LRRC70: variants seen among roughly 807,000 people sequenced by gnomAD.
The protein encoded by LRRC70 is leucine rich repeat containing 70, also known as leucine-rich repeat-containing protein 70.
Under a neutral mutation model 42.4 loss-of-function variants are expected in LRRC70, and 31 were observed. That is an observed-to-expected ratio of 0.73 (90% CI 0.55 to 0.99). The LOEUF (loss-of-function observed/expected upper bound fraction) is 0.99, where lower values mean the gene tolerates loss of function less well. Among genes scored for constraint, LRRC70 ranks in the 50% least tolerant of loss-of-function variants. The probability of loss-of-function intolerance (pLI) is 0.00; values close to 1 mark genes in which losing one functional copy is unlikely to be tolerated. For synonymous variants in LRRC70, 270 were observed against 262.9 expected (o/e 1.03, Z -0.26); for missense variants, 643 against 707.5 (o/e 0.91, Z 1.03).
intron 1 of LRRC70, 33 bp from the exon 2 acceptor site, chr5:62,579,368 C>T (rs956175483): frequency 9.3e-6 from 13 of 1,390,782 alleles, no homozygotes; most frequent in Admixed American, 8.0e-5. Context: ...ATGAAGTTTT[C>T]GTGATTTAAA....
In LRRC70 at chr5:62,579,926, T is replaced by A. The variant is rs1744480919; in HGVS notation, c.488T>A (p.Leu163Gln). Residue 163 changes from leucine (L) to glutamine (Q), a missense_variant, in exon 2 of 2, where the codon CTA (leucine) becomes CAA (glutamine). By Grantham distance (113) the Leu-to-Gln change is moderately radical. Coordinates refer to ENST00000334994, the MANE Select transcript of LRRC70 (RefSeq NM_181506.5). Reference sequence around the variant, plus strand: ...CTAGTTTCAGTTCAGTACTTAAATCTACAAAGGAATCGCCTCACTGTCCTT... The same window carrying A: ...CTAGTTTCAGTTCAGTACTTAAATCAACAAAGGAATCGCCTCACTGTCCTT... Reference protein sequence around the residue: ...NDLVSVQYLNLQRNRLTVLGS... With the variant: ...NDLVSVQYLNQQRNRLTVLGS... 1 of 1,551,216 alleles carries A rather than the reference T, an allele frequency of 6.4e-7. No individual in the cohort carries two copies. The highest frequency in any genetic ancestry group is 8.7e-7 in the Non-Finnish European group (1 of 1,146,754).
chr5:62,580,559 T>C lies in LRRC70; in HGVS notation c.1121T>C (p.Leu374Pro). The C allele has an allele frequency of 6.4e-7, 1 of 1,551,476 alleles. No individual in the cohort carries two copies. Among genetic ancestry groups the C allele is most frequent in the Non-Finnish European group, 8.7e-7 (1 of 1,146,828 alleles). ...NCKLLGLRDWLASSAITLNIY... is the reference protein window; with the variant it reads ...NCKLLGLRDWPASSAITLNIY... ...AAACTTTTGGGCCTTCGAGACTGGC[T>C]AGCATCTTCAGCCATTACTCTAAAC... Residue 374 changes from leucine (L) to proline (P), a missense_variant, in exon 2 of 2, where the codon CTA becomes CCA. Transcript: ENST00000334994.
rs972604891 is a variant in LRRC70, at chr5:62,579,472, C to T, written c.34C>T (p.Arg12Ter). The change falls in exon 2 of 2, where the codon CGA (arginine) becomes TGA (stop). Residue 12 changes from arginine to a stop codon, truncating the protein, a stop_gained. Coordinates refer to ENST00000334994, the MANE Select transcript of LRRC70 (RefSeq NM_181506.5). LOFTEE classifies it high-confidence loss of function. ...ATTACAGTTTTCTCTGCCTTGCCTA[C>T]GACTGTTTCTGGTTGTTACCTGTTA... ...CGLQFSLPCL[R>*]LFLVVTCYLL... is the part of the protein sequence containing the mutation. 3.0e-5 allele frequency: 47 copies of T among 1,550,644 alleles called. No individual in the cohort carries two copies. The highest frequency in any genetic ancestry group is 4.8e-5 in the South Asian group (4 of 84,010).
chr5:62,581,241 A>G lies in LRRC70; in HGVS notation c.1803A>G (p.Arg601=), dbSNP rs1744548545. 2 of 1,539,564 alleles carry G rather than the reference A, an allele frequency of 1.3e-6. No homozygotes were observed. The highest frequency in any genetic ancestry group is 2.8e-5 in the African/African-American group (2 of 72,202). ...AAAGTCCTGGCTTGGAGCAGATTCGACTTCATAAACAAATTGTTCCTGAAA... is the reference window on the plus strand; with the variant it reads ...AAAGTCCTGGCTTGGAGCAGATTCGGCTTCATAAACAAATTGTTCCTGAAA... ...SLESPGLEQI[R]LHKQIVPENE... Residue 601 remains arginine (R), a synonymous_variant, in exon 2 of 2, where the codon CGA becomes CGG. Coordinates refer to ENST00000334994, the MANE Select transcript of LRRC70 (RefSeq NM_181506.5).
rs1326010115 is a variant in LRRC70 at position 62,581,053 on chromosome 5, T to G, written c.1615T>G (p.Cys539Gly). Residue 539 changes from cysteine to glycine, a missense_variant, in exon 2 of 2, where the codon TGT (cysteine) becomes GGT (glycine). Transcript: ENST00000334994. ...DILLAFFILA[C>G]VLIIFLIYKV... is the part of the protein sequence containing the mutation. ...TTTGCTAGCTTTTTTCATCTTAGCT[T>G]GTGTTTTAATCATTTTTTTGATCTA... 4 of 1,550,452 alleles carry G rather than the reference T, an allele frequency of 2.6e-6. 1 individual carries two copies. The South Asian group carries it at 4.8e-5, about 19-fold the overall frequency.
At position 62,580,761 on chromosome 5, in the gene LRRC70, C is replaced by T. The variant is rs2112404972; in HGVS notation, c.1323C>T (p.Gly441=). Residue 441 remains glycine (G), a synonymous_variant, in exon 2 of 2, where the codon GGC becomes GGT. Transcript: ENST00000334994. ...CCTGGCATAAAGTAACCACAAATGG[C>T]AGTCCTCTGGAAAATACTGAGACTG... is the stretch of plus-strand genomic sequence containing the variant. ...MMAWHKVTTN[G]SPLENTETEN... 5 of 1,551,468 alleles carry T rather than the reference C, an allele frequency of 3.2e-6. No individual in the cohort carries two copies. Among genetic ancestry groups the T allele is most frequent in the South Asian group, 1.2e-5 (1 of 84,060 alleles).
chr5:62,580,915 A>T lies in LRRC70; in HGVS notation c.1477A>T (p.Thr493Ser), dbSNP rs1744530479. The T allele has an allele frequency of 5.8e-6, 9 of 1,551,350 alleles. No individual in the cohort carries two copies. The highest frequency in any genetic ancestry group is 7.8e-6 in the Non-Finnish European group (9 of 1,146,830). ...PVQIQLTTSV[T>S]LNLEKNSALP... ...GCAAATACAACTTACTACTTCTGTT[A>T]CCTTGAACTTGGAAAAAAACAGTGC... Residue 493 changes from threonine (T) to serine (S), a missense_variant, in exon 2 of 2, where the codon ACC becomes TCC. Physicochemically the swap from Thr to Ser is moderately conservative, Grantham distance 58. Coordinates refer to ENST00000334994, the MANE Select transcript of LRRC70 (RefSeq NM_181506.5).
In LRRC70 at chr5:62,581,342, C is replaced by T; in HGVS notation, c.*35C>T. ...ATATTGTCTATAAGAAACTTCAGTG[C>T]CATGGACATGATTTAAACTGAAACC... is the stretch of plus-strand genomic sequence containing the variant. On this transcript the variant is annotated 3_prime_UTR_variant, in exon 2 of 2. Coordinates refer to ENST00000334994, the MANE Select transcript of LRRC70 (RefSeq NM_181506.5). 7.0e-7 allele frequency: 1 copy of T among 1,426,470 alleles called. No individual in the cohort carries two copies. The highest frequency in any genetic ancestry group is 9.2e-7 in the Non-Finnish European group (1 of 1,083,304). 88.4% of individuals were successfully genotyped at this position (1,426,470 alleles called of 1,614,324 possible). A position where few individuals can be genotyped will look rare whatever the true frequency, so the allele number is the denominator to read the frequency against.
Position 62,579,910 on chromosome 5 carries a change from G to A in LRRC70, c.472G>A (p.Val158Ile), listed in dbSNP as rs1561371446. ...AGGAGTATTTAATGATCTAGTTTCA[G>A]TTCAGTACTTAAATCTACAAAGGAA... is the stretch of plus-strand genomic sequence containing the variant. ...PRGVFNDLVS[V>I]QYLNLQRNRL... The change falls in exon 2 of 2, where the codon GTT becomes ATT. Residue 158 changes from valine to isoleucine, a missense_variant. By Grantham distance (29) the Val-to-Ile change is conservative (BLOSUM62 3). Transcript: ENST00000334994. 3 of 1,551,164 alleles carry A rather than the reference G, an allele frequency of 1.9e-6. No homozygotes were observed.
intron 1 of LRRC70, 58 bp from the exon 2 acceptor site, chr5:62,579,343 A>C: frequency 9.0e-7 from 1 of 1,108,672 alleles, no homozygotes; most frequent in Non-Finnish European, 1.3e-6. Context: ...TAGTATTATA[A>C]AAAAAATTCA....
rs1277120202 is a variant in LRRC70 at position 62,580,959 on chromosome 5, T to C, written c.1521T>C (p.Ala507=). 1 of 1,551,224 alleles carries C rather than the reference T, an allele frequency of 6.4e-7. No homozygotes were observed. The highest frequency in any genetic ancestry group is 2.4e-5 in the East Asian group (1 of 40,912). ...EKNSALPNDA[A]SMSGKTSLIC... ...ACAGTGCTCTACCGAATGATGCTGC[T>C]TCAATGTCAGGGAAAACATCTCTAA... The change falls in exon 2 of 2, where the codon GCT becomes GCC. Residue 507 remains alanine (A), a synonymous_variant. Transcript: ENST00000334994.
chr5:62,580,639 A>G lies in LRRC70; in HGVS notation c.1201A>G (p.Ile401Val), dbSNP rs184337874. 42 of 1,551,502 alleles carry G rather than the reference A, an allele frequency of 2.7e-5. No individual in the cohort carries two copies. In the Middle Eastern group the frequency reaches 5.0e-4, roughly 18 times the overall value. Residue 401 changes from isoleucine to valine, a missense_variant, in exon 2 of 2, where the codon ATT becomes GTT. By Grantham distance (29) the Ile-to-Val change is conservative. Coordinates refer to ENST00000334994, the MANE Select transcript of LRRC70 (RefSeq NM_181506.5). ...TGGCAGAGCATTACGTTATATTAAC[A>G]TTACAAATTGTGTTACATCTTCAAT... ...MRGRALRYIN[I>V]TNCVTSSINV...
rs755921441 is a variant in LRRC70 at position 62,580,205 on chromosome 5, ACCT to A, written c.774_776del (p.Leu259del). 2 of 1,551,112 alleles carry A rather than the reference ACCT, an allele frequency of 1.3e-6. No homozygotes were observed. The highest frequency in any genetic ancestry group is 1.7e-6 in the Non-Finnish European group (2 of 1,146,624). ...TTTAAAGGACTTGCCAATCTGGAAT[ACCT>A]CCTCCTGAAAAATTCAAGAATTAGG... On this transcript the variant is annotated inframe_deletion, in exon 2 of 2. Transcript: ENST00000334994.
chr5:62,579,450 A>T lies in LRRC70; in HGVS notation c.12A>T (p.Leu4Phe), dbSNP rs747284881. The T allele has an allele frequency of 1.3e-6, 2 of 1,550,794 alleles. No individual in the cohort carries two copies. The highest frequency in any genetic ancestry group is 2.4e-5 in the South Asian group (2 of 84,026). Reference protein sequence around the residue: MCGLQFSLPCLRLF... With the variant: MCGFQFSLPCLRLF... Reference sequence around the variant, plus strand: ...CCAAGAACAGGGATATGTGTGGATTACAGTTTTCTCTGCCTTGCCTACGAC... The same window carrying T: ...CCAAGAACAGGGATATGTGTGGATTTCAGTTTTCTCTGCCTTGCCTACGAC... The change falls in exon 2 of 2, where the codon TTA becomes TTT. Residue 4 changes from leucine (L) to phenylalanine (F), a missense_variant. Leu to Phe is a conservative substitution (Grantham distance 22). Transcript: ENST00000334994.
rs1350617682 is a variant in LRRC70 at position 62,581,133 on chromosome 5, T to G, written c.1695T>G (p.Asn565Lys). 1.9e-6 allele frequency: 3 copies of G among 1,550,050 alleles called. No individual in the cohort carries two copies. The highest frequency in any genetic ancestry group is 2.6e-6 in the Non-Finnish European group (3 of 1,146,536). The change falls in exon 2 of 2, where the codon AAT (asparagine) becomes AAG (lysine). Residue 565 changes from asparagine (N) to lysine (K), a missense_variant. Transcript: ENST00000334994. ...KLKASENSRE[N>K]RLEYYSFYQS... ...AGGCATCAGAAAACTCAAGGGAAAATAGACTTGAATACTACAGCTTTTATC... is the reference window on the plus strand; with the variant it reads ...AGGCATCAGAAAACTCAAGGGAAAAGAGACTTGAATACTACAGCTTTTATC...
At position 62,580,354 on chromosome 5, in the gene LRRC70, A is replaced by T. The variant is rs1376572341; in HGVS notation, c.916A>T (p.Lys306Ter). The stretch of plus-strand genomic sequence containing the variant: ...TTTGTTAAAGAATTTAATTTACCTT[A>T]AGTTAGATAGAAACAGAATAATTAG... ...FSLLKNLIYLKLDRNRIISID... is the reference protein window; with the variant it reads ...FSLLKNLIYL Residue 306 changes from lysine (K) to a stop codon, truncating the protein, a stop_gained, in exon 2 of 2, where the codon AAG becomes TAG. Transcript: ENST00000334994. LOFTEE classifies it high-confidence loss of function. 1.9e-6 allele frequency: 3 copies of T among 1,544,572 alleles called. No individual in the cohort carries two copies. In the Admixed American group the frequency reaches 5.9e-5, roughly 30 times the overall value.
intron 1 of LRRC70, 65 bp downstream of exon 1, chr5:62,579,000 A>G: frequency 4.2e-6 from 1 of 240,886 alleles, no homozygotes; most frequent in South Asian, 4.7e-5. Flanking sequence ...GAAAAACTGT[A>G]ATTTAGAATT....
Position 62,579,726 on chromosome 5 carries a change from T to G in LRRC70, c.288T>G (p.Ile96Met). ...CATTGTATTTGGATAATTCTAACAT[T>G]CTGTATGTATATCCAAAAGCCTTTG... Reference protein sequence around the residue: ...LVALYLDNSNILYVYPKAFVQ... With the variant: ...LVALYLDNSNMLYVYPKAFVQ... The change falls in exon 2 of 2, where the codon ATT (isoleucine) becomes ATG (methionine). Residue 96 changes from isoleucine (I) to methionine (M), a missense_variant. Transcript: ENST00000334994. The G allele has an allele frequency of 1.9e-6, 3 of 1,548,130 alleles. No homozygotes were observed. Among genetic ancestry groups the G allele is most frequent in the Non-Finnish European group, 2.6e-6 (3 of 1,145,296 alleles).
Position 62,580,456 on chromosome 5 carries a change from T to G in LRRC70, c.1018T>G (p.Leu340Val). Residue 340 changes from leucine to valine, a missense_variant, in exon 2 of 2, where the codon TTG (leucine) becomes GTG (valine). Transcript: ENST00000334994. Reference protein sequence around the residue: ...LNLSFNNLTALHPRVLKPLSS... With the variant: ...LNLSFNNLTAVHPRVLKPLSS... ...TCTGTCATTTAATAATCTTACAGCC[T>G]TGCATCCAAGGGTCCTTAAGCCGTT... is the stretch of plus-strand genomic sequence containing the variant. 1 of 1,551,458 alleles carries G rather than the reference T, an allele frequency of 6.4e-7. No individual in the cohort carries two copies. The highest frequency in any genetic ancestry group is 1.2e-5 in the South Asian group (1 of 84,062).
Sources: gnomAD v4.1 joint callset for allele counts on GRCh38, gnomAD v4.1.1 for gene constraint, MANE v1.5 for transcripts, NCBI Gene and HGNC (gene_info 2026-07-23, HGNC 2026-07-21) for gene names.